Variants in TMEM67 observed in about 807,000 individuals in gnomAD.
TMEM67 encodes transmembrane protein 67.
In TMEM67, 124 loss-of-function variants were observed where a neutral mutation model predicts 136.6. The ratio of observed to expected loss-of-function variants is 0.91; its 90% CI spans 0.78 to 1.05. The LOEUF is 1.05. Ranked by LOEUF, TMEM67 falls within the 50% of genes least tolerant of loss-of-function variation. TMEM67 has a pLI of 0.00. For missense variants in TMEM67, 1,107 were observed against 1,178.4 expected (o/e 0.94, Z 0.89); for synonymous variants, 364 against 390.5 (o/e 0.93, Z 0.80).
the TMEM67 span, among the ~76,000 whole-genome samples, chr8:93,830,412 C>T: frequency 2.6e-5 from 4 of 152,192 alleles, no homozygotes; most frequent in Non-Finnish European, 4.4e-5. Context: ...GTTGTAGCAA[C>T]CCCAAATTGA....
chr8:93,823,168 A>G (rs1809064715), downstream of TMEM67, among the ~76,000 whole-genome samples: 1 of 152,222 alleles, frequency 6.6e-6, no homozygotes. Context: ...GGGTGGCAGA[A>G]GTCTGAAATG....
At chr8:93,808,503 GATGAATATAT>G (rs374086871) in intron 23 of TMEM67, among the ~76,000 whole-genome samples, 2,377 of 134,894 alleles carry the variant, frequency 0.018, no homozygotes, top group Non-Finnish European at 0.023. Context: ...ATCTATTATA[GATGAATATAT>G]ATATTTATAA....
intron 21 of TMEM67, among the ~76,000 whole-genome samples, chr8:93,802,722 A>ATATTGC (rs1814920640): frequency 6.6e-6 from 1 of 152,144 alleles, no homozygotes; most frequent in African/African-American, 2.4e-5. Flanking sequence ...TTAAACCTTG[A>ATATTGC]ATATTGCTGT....
Position 93,782,375 on chromosome 8 carries a change from G to A in TMEM67, c.1066-20G>A. The A allele has an allele frequency of 1.9e-6, 3 of 1,594,784 alleles. No homozygotes were observed. Among genetic ancestry groups the A allele is most frequent in the Non-Finnish European group, 2.6e-6 (3 of 1,163,332 alleles). On this transcript the variant is annotated intron_variant, in intron 10 of 27. Coordinates refer to ENST00000453321, the MANE Select transcript of TMEM67 (RefSeq NM_153704.6). ...TAGAAAACATTTGTGAGATTTATCT[G>A]TTGTATTATTTTGCTGCAGCTTTGT...
At position 93,799,648 on chromosome 8, in the gene TMEM67, G is replaced by T. The variant is rs1814778717; in HGVS notation, c.2131G>T (p.Asp711Tyr). 6.2e-7 allele frequency: 1 copy of T among 1,613,744 alleles called. No homozygotes were observed. Among genetic ancestry groups the T allele is most frequent in the Non-Finnish European group, 8.5e-7 (1 of 1,179,882 alleles). The change falls in exon 21 of 28, where the codon GAC (aspartate) becomes TAC (tyrosine). Residue 711 changes from aspartate (D) to tyrosine (Y), a missense_variant. Transcript: ENST00000453321. The stretch of plus-strand genomic sequence containing the variant: ...GGGATTCAAGAACTTAGCATTAATG[G>T]ACTCATCTTCTAGTCTTTCTAGAAA... The part of the protein sequence containing the change: ...VVGFKNLALM[D>Y]SSSSLSRNPP...
intron 2 of TMEM67, 30 bp downstream of exon 2, chr8:93,755,896 C>T (rs74712633): frequency 1.6e-6 from 2 of 1,271,962 alleles, no homozygotes; most frequent in East Asian, 2.4e-5. Context: ...AAATAACTTA[C>T]CTGTAAAAAG....
intron 23 of TMEM67, among the ~76,000 whole-genome samples, chr8:93,808,511 T>TTTATCTATAATAGATCTATTATAG (rs1808548304): frequency 9.9e-5 from 1 of 10,088 alleles, no homozygotes; most frequent in Non-Finnish European, 1.9e-4. Context: ...TAGATGAATA[T>TTTATCTATAATAGATCTATTATAG]ATATATTTAT....
chr8:93,765,697 T>G, intron 6 of TMEM67, 51 bp downstream of exon 6: 1 of 1,192,482 alleles, frequency 8.4e-7, no homozygotes, highest in East Asian at 2.3e-5. Context: ...TTTCTACATT[T>G]CATCCATTAG....
At chr8:93,775,980 C>A (rs1813524684) in intron 7 of TMEM67, among the ~76,000 whole-genome samples, 1 of 152,192 alleles carries the variant, frequency 6.6e-6, no homozygotes, top group Admixed American at 6.5e-5. Flanking sequence ...TCTTCCTATC[C>A]ATGAGCATGG....
At chr8:93,771,692 T>G (rs1230044429) in intron 6 of TMEM67, among the ~76,000 whole-genome samples, 1 of 152,260 alleles carries the variant, frequency 6.6e-6, no homozygotes, top group African/African-American at 2.4e-5. Context: ...TCATGTAACT[T>G]TCACACTATC....
chr8:93,769,132 G>A (rs1813218906), intron 6 of TMEM67, among the ~76,000 whole-genome samples: 1 of 152,158 alleles, frequency 6.6e-6, no homozygotes, highest in Non-Finnish European at 1.5e-5. Context: ...CAGGAGCACT[G>A]CAAAGGTCTA....
downstream of TMEM67, among the ~76,000 whole-genome samples, chr8:93,820,429 G>GT (rs1473450886): frequency 6.6e-6 from 1 of 152,266 alleles, no homozygotes; most frequent in Non-Finnish European, 1.5e-5. Flanking sequence ...GGAGATAAGT[G>GT]TTCCTGCTCT....
At chr8:93,819,095 A>G (rs575583400), downstream of TMEM67, 21 of 453,322 alleles carry the variant, frequency 4.6e-5, no homozygotes, top group Middle Eastern at 2.1e-3. Context: ...CAGCCACTAC[A>G]CATGGCCAGG....
At chr8:93,761,812 A>C (rs1171596343) in intron 3 of TMEM67, among the ~76,000 whole-genome samples, 1 of 152,252 alleles carries the variant, frequency 6.6e-6, no homozygotes, top group Non-Finnish European at 1.5e-5. Flanking sequence ...TCCACTATTT[A>C]GCTTTTTAAA....
chr8:93,800,293 C>A (rs753195344), intron 21 of TMEM67, among the ~76,000 whole-genome samples: 2 of 152,046 alleles, frequency 1.3e-5, no homozygotes. Flanking sequence ...AGGCTAAGAT[C>A]GAGTGTAATT....
intron 13 of TMEM67, among the ~76,000 whole-genome samples, chr8:93,787,019 A>G (rs190692518): frequency 6.6e-6 from 1 of 152,196 alleles, no homozygotes; most frequent in African/African-American, 2.4e-5. Flanking sequence ...GTTATTTATC[A>G]TGCTGAAATC....
At chr8:93,803,788 T>G (rs986495312) in intron 22 of TMEM67, 104 bp downstream of exon 22, 7 of 750,572 alleles carry the variant, frequency 9.3e-6, no homozygotes, top group African/African-American at 5.2e-5. Flanking sequence ...ATTGAATTTT[T>G]GGGCCAATTT....
chr8:93,813,694 T>C (rs1224230322), intron 26 of TMEM67, among the ~76,000 whole-genome samples: 1 of 152,088 alleles, frequency 6.6e-6, no homozygotes, highest in African/African-American at 2.4e-5. Context: ...AGAGGATGAA[T>C]TTAGTTTTCA....
At chr8:93,821,208 A>G (rs182690229), downstream of TMEM67, among the ~76,000 whole-genome samples, 13 of 152,340 alleles carry the variant, frequency 8.5e-5, no homozygotes, top group Admixed American at 6.5e-4. Context: ...CTAAATTTAA[A>G]TGTGAAAGGG....
Sources: allele counts gnomAD v4.1 joint callset (sites outside exome capture counted in the v4.1 genomes callset), GRCh38; gene constraint gnomAD v4.1.1; transcripts MANE v1.5; gene names NCBI Gene and HGNC (gene_info 2026-07-23, HGNC 2026-07-21).